The following REEP1 variants were observed in gnomAD, a reference collection of about 807,000 sequenced individuals.
REEP1 encodes receptor accessory protein 1, also known as receptor expression-enhancing protein 1.
In REEP1, 22 loss-of-function variants were observed where a neutral mutation model predicts 40.3. The observed-to-expected ratio is 0.55, with a 90% CI of 0.39 to 0.78. The LOEUF is 0.78. Among genes scored for constraint, REEP1 ranks in the 30% least tolerant of loss-of-function variants. The probability of loss-of-function intolerance (pLI) is 0.00; values close to 1 mark genes in which losing one functional copy is unlikely to be tolerated. For missense variants in REEP1, 280 were observed against 361.1 expected, an observed-to-expected ratio of 0.78 and a Z score of 1.82; for synonymous variants, 116 against 139.2, an observed-to-expected ratio of 0.83 and a Z score of 1.17.
intron 3 of REEP1, among the ~76,000 whole-genome samples, chr2:86,256,818 G>C (rs1283785606): frequency 1.3e-5 from 2 of 152,140 alleles, no homozygotes; most frequent in Admixed American, 6.5e-5. Context: ...CTGATGCTAT[G>C]AGATGAGACA....
intron 6 of REEP1, among the ~76,000 whole-genome samples, chr2:86,232,174 C>A (rs527410328): frequency 1.3e-5 from 2 of 152,118 alleles, no homozygotes; most frequent in Non-Finnish European, 2.9e-5. Flanking sequence ...AGAGGACAGG[C>A]AATATTCAGG....
At chr2:86,327,618 A>G (rs1431374771) in intron 1 of REEP1, among the ~76,000 whole-genome samples, 1 of 145,950 alleles carries the variant, frequency 6.9e-6, no homozygotes, top group African/African-American at 2.6e-5. Flanking sequence ...CCCAGGCTGG[A>G]GTACAGTGGC....
chr2:86,261,239 AC>A lies in REEP1; in HGVS notation c.182+2725del, dbSNP rs148950124. ...GGCAGGAGGTGCTATTTAATTGACTACACAGTCTTGACTGGGCCGGCCTCTA... is the reference window on the plus strand; with the variant it reads ...GGCAGGAGGTGCTATTTAATTGACTAACAGTCTTGACTGGGCCGGCCTCTA... On this transcript the variant is annotated intron_variant, in intron 3 of 8. Coordinates refer to ENST00000538924, the MANE Select transcript of REEP1 (RefSeq NM_001371279.1). Among the ~76,000 whole-genome samples the A allele has an allele frequency of 3.5e-3, 528 of 152,268 alleles. 5 individuals carry two copies. Among genetic ancestry groups the A allele is most frequent in the African/African-American group, 0.011 (476 of 41,554 alleles).
chr2:86,337,930 C>G, upstream of REEP1: 1 of 1,249,392 alleles, frequency 8.0e-7, no homozygotes, highest in Non-Finnish European at 1.1e-6. The surrounding 1 kb of genome is among the most constrained non-coding windows in gnomAD (Gnocchi z 5.8). Flanking sequence ...AAACTGAAGT[C>G]CGAACCTGAA....
At chr2:86,279,991 T>G in intron 2 of REEP1, 2 of 456,314 alleles carry the variant, frequency 4.4e-6, no homozygotes, top group South Asian at 3.1e-5. Flanking sequence ...ATCTCATTTC[T>G]GAGAGTGGCA....
chr2:86,253,291 C>G (rs1436829458), intron 4 of REEP1, among the ~76,000 whole-genome samples: 1 of 151,912 alleles, frequency 6.6e-6, no homozygotes, highest in Non-Finnish European at 1.5e-5. Context: ...CCCCACCCCC[C>G]AAAAAAAGGC....
chr2:86,252,029 G>T lies in REEP1; in HGVS notation c.345C>A (p.Tyr115Ter), dbSNP rs138656911. ...GCTTCCCGAAGTGCACAAGGGCATCGTAACTTCGGTCTTTTGCTTGGACCA... is the reference window on the plus strand; with the variant it reads ...GCTTCCCGAAGTGCACAAGGGCATCTTAACTTCGGTCTTTTGCTTGGACCA... ...DCLVQAKDRSYDALVHFGKRG... is the reference protein window; with the variant it reads ...DCLVQAKDRS The change falls in exon 5 of 9, where the codon TAC becomes TAA. Residue 115 changes from tyrosine to a stop codon, truncating the protein, a stop_gained. Coordinates refer to ENST00000538924, the MANE Select transcript of REEP1 (RefSeq NM_001371279.1). LOFTEE classifies it high-confidence loss of function. 1 of 1,613,916 alleles carries T rather than the reference G, an allele frequency of 6.2e-7. No individual in the cohort carries two copies. The highest frequency in any genetic ancestry group is 8.5e-7 in the Non-Finnish European group (1 of 1,179,962).
rs368965566 is a variant in REEP1, at chr2:86,251,966, A to T, written c.408T>A (p.Ala136=). The T allele has an allele frequency of 5.3e-5, 86 of 1,611,676 alleles. No individual in the cohort carries two copies. In the Middle Eastern group the frequency reaches 2.6e-3, roughly 48 times the overall value. Residue 136 remains alanine (A), a synonymous_variant, in exon 5 of 9, where the codon GCT becomes GCA. Transcript: ENST00000538924. The part of the protein sequence containing the change: ...LNVAATAAVM[A]ASKGQGALSE... ...ACTTCCAGCACAGTACCTTGGAAGC[A>T]GCCATCACAGCCGCTGTGGCGGCCA...
intron 2 of REEP1, among the ~76,000 whole-genome samples, chr2:86,277,555 CAA>C (rs546202828): frequency 1.4e-3 from 164 of 118,142 alleles, no homozygotes; most frequent in African/African-American, 4.4e-3. Flanking sequence ...GACTCTGTAT[CAA>C]AAAAAAAAAA....
At chr2:86,235,014 TGTTAG>T (rs1475229031) in intron 5 of REEP1, among the ~76,000 whole-genome samples, 4 of 152,224 alleles carry the variant, frequency 2.6e-5, no homozygotes, top group Admixed American at 1.3e-4. Flanking sequence ...AGTAACTCAA[TGTTAG>T]GTTAGTGTTC....
intron 1 of REEP1, among the ~76,000 whole-genome samples, chr2:86,314,933 T>C (rs1039860326): frequency 2.0e-5 from 3 of 151,936 alleles, no homozygotes; most frequent in African/African-American, 7.2e-5. Context: ...ACTCAAGCTA[T>C]CCACTCACCT....
Position 86,248,824 on chromosome 2 carries a change from G to A in REEP1, c.417+3133C>T, listed in dbSNP as rs548945982. Among the ~76,000 whole-genome samples the A allele has an allele frequency of 7.2e-5, 11 of 152,252 alleles. No homozygotes were observed. In the South Asian group the frequency reaches 1.7e-3, roughly 23 times the overall value. ...GCTTTACATTCTCAAATGTGTCCTG[G>A]TTTGAACAATAAATTATATAGTCAC... On this transcript the variant is annotated intron_variant, in intron 5 of 8. Coordinates refer to ENST00000538924, the MANE Select transcript of REEP1 (RefSeq NM_001371279.1).
At chr2:86,297,627 G>A (rs1337572935) in intron 1 of REEP1, 1 of 865,440 alleles carries the variant, frequency 1.2e-6, no homozygotes, top group African/African-American at 1.8e-5. Context: ...ACCTGCAAGA[G>A]AGATTCTCCC....
chr2:86,287,848 C>T (rs1372007272), intron 1 of REEP1, among the ~76,000 whole-genome samples: 1 of 152,116 alleles, frequency 6.6e-6, no homozygotes, highest in Non-Finnish European at 1.5e-5. Context: ...TTATTAACTA[C>T]ATGAGCCATG....
intron 6 of REEP1, among the ~76,000 whole-genome samples, chr2:86,228,301 C>T (rs369812486): frequency 1.3e-5 from 2 of 152,148 alleles, no homozygotes; most frequent in Non-Finnish European, 2.9e-5. Flanking sequence ...GAGCTTGCAG[C>T]GCTGAGTGAC....
upstream of REEP1, chr2:86,337,932 G>A (rs1229794152): frequency 1.6e-6 from 2 of 1,262,374 alleles, no homozygotes; most frequent in Non-Finnish European, 2.2e-6. This position sits in a 1 kb window ranked among gnomAD's most constrained non-coding sequence, Gnocchi z 5.8. Context: ...ACTGAAGTCC[G>A]AACCTGAACC....
At chr2:86,266,733 C>T (rs973379345) in intron 2 of REEP1, among the ~76,000 whole-genome samples, 4 of 151,120 alleles carry the variant, frequency 2.6e-5, no homozygotes, top group African/African-American at 9.7e-5. Context: ...AAAGGCCAGG[C>T]GTGGTGGCTC....
intron 1 of REEP1, among the ~76,000 whole-genome samples, chr2:86,295,194 T>G (rs1297618954): frequency 1.3e-5 from 2 of 152,186 alleles, no homozygotes; most frequent in African/African-American, 4.8e-5. Context: ...GCTGCTAAAG[T>G]GCGCTTCTGG....
chr2:86,215,036 T>C lies in REEP1; in HGVS notation c.*2003A>G, dbSNP rs1294029015. 66 of 150,358 alleles carry C rather than the reference T, an allele frequency of 4.4e-4. No individual in the cohort carries two copies. The highest frequency in any genetic ancestry group is 9.3e-4 in the Non-Finnish European group (63 of 67,550). The allele number at this position is 150,358 out of a possible 1,614,324, so 9.3% of individuals were successfully genotyped here. On this transcript the variant is annotated 3_prime_UTR_variant, in exon 9 of 9. Transcript: ENST00000538924. ...AAGCTGTGTAAGCTTTTTTTTTTTT[T>C]TTTTTTTTTTGCATTCGTTTCTGAT...
Sources: gnomAD v4.1 joint callset for allele counts (sites outside exome capture counted in the v4.1 genomes callset) on GRCh38, gnomAD v4.1.1 for gene constraint, Gnocchi (gnomAD v3.1) non-coding constraint, MANE v1.5 for transcripts, NCBI Gene and HGNC (gene_info 2026-07-23, HGNC 2026-07-21) for gene names.